Variants in ARSF observed in about 807,000 individuals in gnomAD.
The protein encoded by ARSF is arylsulfatase F.
Under a neutral mutation model 35.4 loss-of-function variants are expected in ARSF, and 33 were observed. That is an observed-to-expected ratio of 0.93 (90% CI 0.71 to 1.25). ARSF has a LOEUF of 1.25. ARSF is among the 50% of genes most tolerant of loss of function. The pLI, the probability that ARSF is intolerant of heterozygous loss-of-function variation, is 0.00. For synonymous variants in ARSF, 222 were observed against 193.1 expected (o/e 1.15, Z -1.24); for missense variants, 501 against 480.2 (o/e 1.04, Z -0.40).
chrX:3,071,747 CA>C (rs2090106085), intron 2 of ARSF, among the ~76,000 whole-genome samples: 2 of 112,028 alleles, frequency 1.8e-5, no homozygotes, highest in African/African-American at 6.5e-5. Flanking sequence ...TTCCCACTAA[CA>C]GTATAAAAGG....
chrX:3,081,014 G>C lies in ARSF; in HGVS notation c.406+1G>C. 2 of 1,209,305 alleles carry C rather than the reference G, an allele frequency of 1.7e-6. No individual in the cohort carries two copies. The highest frequency in any genetic ancestry group is 2.2e-6 in the Non-Finnish European group (2 of 894,595). ...CAAGGATACAGCACGGGGCTTATAG[G>C]TAAGACACAAGAATTGGTGTTAGTC... On this transcript the variant is annotated splice_donor_variant, in intron 5 of 10. Transcript: ENST00000381127. LOFTEE classifies it high-confidence loss of function.
At chrX:3,096,355 C>T (rs939461960) in intron 7 of ARSF, among the ~76,000 whole-genome samples, 3 of 110,463 alleles carry the variant, frequency 2.7e-5, no homozygotes, top group African/African-American at 6.6e-5. Context: ...ATGAGTATCT[C>T]GAAGCTGACT....
At chrX:3,052,082 A>G (rs890847921) in intron 1 of ARSF, among the ~76,000 whole-genome samples, 5 of 112,173 alleles carry the variant, frequency 4.5e-5, no homozygotes, top group African/African-American at 1.6e-4. Context: ...AACTAATTTT[A>G]TTTTAATCAC....
intron 1 of ARSF, among the ~76,000 whole-genome samples, chrX:3,061,528 C>A (rs1309765343): frequency 9.0e-6 from 1 of 111,058 alleles, no homozygotes; most frequent in African/African-American, 3.3e-5. Flanking sequence ...GAGTCAAGAC[C>A]CAACAGTGTG....
intron 4 of ARSF, among the ~76,000 whole-genome samples, chrX:3,080,557 A>G (rs2090193248): frequency 9.0e-6 from 1 of 111,351 alleles, no homozygotes; most frequent in South Asian, 3.9e-4. Flanking sequence ...TACAACAGAC[A>G]TTTACTGCTC....
At chrX:3,065,440 A>G (rs2090060656) in intron 1 of ARSF, among the ~76,000 whole-genome samples, 2 of 105,555 alleles carry the variant, frequency 1.9e-5, no homozygotes, top group Non-Finnish European at 3.8e-5. Flanking sequence ...TAATAAAAAT[A>G]AATAAATAAA....
chrX:3,055,834 C>T (rs1273420786), intron 1 of ARSF, among the ~76,000 whole-genome samples: 1 of 111,539 alleles, frequency 9.0e-6, no homozygotes, highest in Non-Finnish European at 1.9e-5. Flanking sequence ...CCTGCCTTTC[C>T]CTGTCTCTCT....
At chrX:3,104,955 T>A (rs1346138699) in intron 9 of ARSF, among the ~76,000 whole-genome samples, 2 of 111,689 alleles carry the variant, frequency 1.8e-5, no homozygotes. Flanking sequence ...ATGAATACTT[T>A]GAATTTCTTC....
At chrX:3,053,903 AG>A (rs1489001939) in intron 1 of ARSF, among the ~76,000 whole-genome samples, 1 of 109,234 alleles carries the variant, frequency 9.2e-6, no homozygotes, top group East Asian at 2.9e-4. Context: ...CTGGGATTAC[AG>A]GTGCCCACCA....
chrX:3,054,116 T>C (rs1181912964), intron 1 of ARSF, among the ~76,000 whole-genome samples: 1 of 111,408 alleles, frequency 9.0e-6, no homozygotes, highest in African/African-American at 3.3e-5. Flanking sequence ...AAAGAATGCC[T>C]GTTCCTGGTC....
chrX:3,075,221 A>G (rs2090136948), intron 3 of ARSF, among the ~76,000 whole-genome samples: 1 of 111,589 alleles, frequency 9.0e-6, no homozygotes, highest in Non-Finnish European at 1.9e-5. Flanking sequence ...CAGTGAATGG[A>G]CACCATATAG....
At chrX:3,068,647 A>T (rs1435782211) in intron 2 of ARSF, among the ~76,000 whole-genome samples, 1 of 110,278 alleles carries the variant, frequency 9.1e-6, no homozygotes, top group Non-Finnish European at 1.9e-5. Flanking sequence ...TTGGTCTTGA[A>T]CTCCTGGGCT....
At chrX:3,080,416 G>T (rs1329757259) in intron 4 of ARSF, among the ~76,000 whole-genome samples, 2 of 108,889 alleles carry the variant, frequency 1.8e-5, no homozygotes, top group African/African-American at 6.7e-5. Flanking sequence ...GGAGGTTGCA[G>T]TGAGCTGAGA....
intron 7 of ARSF, among the ~76,000 whole-genome samples, chrX:3,092,647 C>G (rs1158744482): frequency 1.8e-5 from 2 of 111,475 alleles, no homozygotes; most frequent in Non-Finnish European, 3.8e-5. Context: ...ATACTGGTGC[C>G]CAGAGGTTTT....
chrX:3,098,036 C>T (rs1280311043), intron 7 of ARSF, among the ~76,000 whole-genome samples: 1 of 72,322 alleles, frequency 1.4e-5, no homozygotes, highest in Non-Finnish European at 2.5e-5. Context: ...TATATATACA[C>T]ATACACACAC....
chrX:3,084,615 C>T lies in ARSF; in HGVS notation c.779C>T (p.Ala260Val), dbSNP rs373037662. The T allele has an allele frequency of 4.2e-6, 5 of 1,196,087 alleles. No individual in the cohort carries two copies. Among genetic ancestry groups the T allele is most frequent in the Non-Finnish European group, 5.6e-6 (5 of 887,353 alleles). Residue 260 changes from alanine to valine, a missense_variant, in exon 6 of 11, where the codon GCT becomes GTT. Transcript: ENST00000381127. ...GHEITEQPMK[A>V]ERAGSIMVKE... ...GAGATCACGGAGCAGCCCATGAAGGCTGAACGAGCTGGATCCATTATGGTG... is the reference window on the plus strand; with the variant it reads ...GAGATCACGGAGCAGCCCATGAAGGTTGAACGAGCTGGATCCATTATGGTG...
At chrX:3,074,942 G>C (rs1380039770) in intron 3 of ARSF, among the ~76,000 whole-genome samples, 1 of 111,655 alleles carries the variant, frequency 9.0e-6, no homozygotes, top group African/African-American at 3.3e-5. Flanking sequence ...GAGATCATGC[G>C]GTATTTGTCT....
chrX:3,067,192 G>T (rs186363909), intron 1 of ARSF, among the ~76,000 whole-genome samples: 2 of 107,535 alleles, frequency 1.9e-5, no homozygotes. Flanking sequence ...TATAGTATGT[G>T]TCCAGAGTAT....
chrX:3,075,231 G>A (rs1221872943), intron 3 of ARSF, among the ~76,000 whole-genome samples: 1 of 111,519 alleles, frequency 9.0e-6, no homozygotes, highest in East Asian at 2.8e-4. Flanking sequence ...ACACCATATA[G>A]TGGCACCCAG....
Sources: allele counts gnomAD v4.1 joint callset (sites outside exome capture counted in the v4.1 genomes callset), GRCh38; gene constraint gnomAD v4.1.1; transcripts MANE v1.5; gene names NCBI Gene and HGNC (gene_info 2026-07-23, HGNC 2026-07-21).